PDCD6IP: variants seen among roughly 807,000 people sequenced by gnomAD.
PDCD6IP encodes the protein programmed cell death 6 interacting protein, also known as programmed cell death 6-interacting protein.
A neutral mutation model predicts 103.7 loss-of-function variants in PDCD6IP; 43 were observed. The ratio of observed to expected loss-of-function variants is 0.41; its 90% CI spans 0.32 to 0.53. PDCD6IP has a LOEUF of 0.53. Among genes scored for constraint, PDCD6IP ranks in the 20% least tolerant of loss-of-function variants. The pLI is 0.16. For missense variants in PDCD6IP, 871 were observed against 1,036.7 expected (o/e 0.84, Z 2.20); for synonymous variants, 354 against 378.7 (o/e 0.93, Z 0.76).
chr3:33,822,573 A>G (rs1697017031), intron 4 of PDCD6IP, among the ~76,000 whole-genome samples: 1 of 152,188 alleles, frequency 6.6e-6, no homozygotes, highest in African/African-American at 2.4e-5. Context: ...TCAGACACAT[A>G]ATGTTCATAA....
intron 4 of PDCD6IP, among the ~76,000 whole-genome samples, chr3:33,823,690 G>A (rs1697047056): frequency 6.6e-6 from 1 of 152,138 alleles, no homozygotes; most frequent in South Asian, 2.1e-4. Flanking sequence ...GCTGAGGCAG[G>A]AGAATCTCTT....
chr3:33,855,213 C>T lies in PDCD6IP; in HGVS notation c.2073C>T (p.Cys691=). 6.2e-7 allele frequency: 1 copy of T among 1,611,350 alleles called. No homozygotes were observed. The highest frequency in any genetic ancestry group is 8.5e-7 in the Non-Finnish European group (1 of 1,177,732). ...TCCTGGTCAGGTTCCAGAACAAATG[C>T]AGTGATATAGTTTTTGCACGGAAGA... ...TEILVRFQNK[C]SDIVFARKTE... Residue 691 remains cysteine, a synonymous_variant, in exon 15 of 18, where the codon TGC becomes TGT. Transcript: ENST00000307296.
chr3:33,825,440 C>T (rs1028049470), intron 5 of PDCD6IP, 100 bp downstream of exon 5: 42 of 999,976 alleles, frequency 4.2e-5, no homozygotes, highest in Non-Finnish European at 5.3e-5. Flanking sequence ...TCGAGCTGTC[C>T]TTCTTGAACT....
Position 33,866,524 on chromosome 3 carries a change from A to G in PDCD6IP, c.2606A>G (p.Ter869=), listed in dbSNP as rs1698069643. 1 of 1,598,120 alleles carries G rather than the reference A, an allele frequency of 6.3e-7. No homozygotes were observed. Among genetic ancestry groups the G allele is most frequent in the African/African-American group, 1.3e-5 (1 of 74,162 alleles). ...CAGCAGTCTTACTATCCACAGCAGTAATATGTCTGCTCAGCAGCTCAGCTG... is the reference window on the plus strand; with the variant it reads ...CAGCAGTCTTACTATCCACAGCAGTGATATGTCTGCTCAGCAGCTCAGCTG... ...PPQQSYYPQQ[*] is the part of the protein sequence containing the mutation. Residue 869 remains the stop codon, a stop_retained_variant, in exon 18 of 18, where the codon TAA becomes TGA. Coordinates refer to ENST00000307296, the MANE Select transcript of PDCD6IP (RefSeq NM_013374.6).
chr3:33,852,855 A>G (rs902149845), intron 13 of PDCD6IP, 119 bp downstream of exon 13: 3 of 1,203,074 alleles, frequency 2.5e-6, no homozygotes, highest in Non-Finnish European at 3.3e-6. Flanking sequence ...TTAAGAGTAG[A>G]ACTTAATACA....
At chr3:33,855,765 A>G (rs1297822811) in intron 15 of PDCD6IP, among the ~76,000 whole-genome samples, 1 of 152,272 alleles carries the variant, frequency 6.6e-6, no homozygotes, top group Non-Finnish European at 1.5e-5. Context: ...ACAAAATTTA[A>G]TAAAACTTCA....
Position 33,844,107 on chromosome 3 carries a change from T to A in PDCD6IP, c.1360-5T>A. ...TTTCAGGGTTCTTTTTGCTTCCTTT[T>A]AAAGTCATTAAGGTTGTTGGATGAA... On this transcript the variant is annotated splice_region_variant and splice_polypyrimidine_tract_variant and intron_variant, in intron 10 of 17. Transcript: ENST00000307296. 1 of 1,567,224 alleles carries A rather than the reference T, an allele frequency of 6.4e-7. No homozygotes were observed. The highest frequency in any genetic ancestry group is 8.7e-7 in the Non-Finnish European group (1 of 1,154,142).
In PDCD6IP at chr3:33,869,480, TTAAA is replaced by T. The variant is rs1185897345; in HGVS notation, c.*2956_*2959del. 2 of 152,236 alleles carry T rather than the reference TTAAA, an allele frequency of 1.3e-5. No homozygotes were observed. Among genetic ancestry groups the T allele is most frequent in the African/African-American group, 2.4e-5 (1 of 41,472 alleles). The allele number at this position is 152,236 out of a possible 1,614,324, so 9.4% of individuals were successfully genotyped here. ...GAGCAAAGAAGGAAAAATTATATTT[TTAAA>T]GAAAGAGAATATTCAGGCTTTATTT... is the stretch of plus-strand genomic sequence containing the variant. On this transcript the variant is annotated 3_prime_UTR_variant, in exon 18 of 18. Transcript: ENST00000307296.
chr3:33,799,129 C>T, intron 1 of PDCD6IP, 192 bp downstream of exon 1: 1 of 611,148 alleles, frequency 1.6e-6, no homozygotes, highest in Non-Finnish European at 2.9e-6. Flanking sequence ...TGTGACTGCC[C>T]GCTTGTCCTG....
Position 33,798,682 on chromosome 3 carries a change from A to G in PDCD6IP, c.-47A>G, listed in dbSNP as rs768705106. 6.1e-6 allele frequency: 9 copies of G among 1,476,348 alleles called. No homozygotes were observed. In the East Asian group the frequency reaches 2.3e-4, roughly 37 times the overall value. The allele number at this position is 1,476,348 out of a possible 1,614,324, so 91.5% of individuals were successfully genotyped here. ...TACCTCTCTCTCCTCGGCCCTCGTA[A>G]GCTGTCCGCGGTCTGTTTGGCCCGA... is the stretch of plus-strand genomic sequence containing the variant. On this transcript the variant is annotated 5_prime_UTR_variant, in exon 1 of 18. Transcript: ENST00000307296.
intron 2 of PDCD6IP, chr3:33,813,345 G>T (rs551785683): frequency 4.6e-6 from 2 of 438,558 alleles, no homozygotes; most frequent in Non-Finnish European, 8.1e-6. Context: ...GATTACCAAG[G>T]CAGAATGACC....
At position 33,836,286 on chromosome 3, in the gene PDCD6IP, A is replaced by G; in HGVS notation, c.1057+20A>G. The G allele has an allele frequency of 7.3e-7, 1 of 1,367,424 alleles. No individual in the cohort carries two copies. The highest frequency in any genetic ancestry group is 1.0e-6 in the Non-Finnish European group (1 of 957,808). 84.7% of individuals were successfully genotyped at this position (1,367,424 alleles called of 1,614,324 possible). On this transcript the variant is annotated intron_variant, in intron 8 of 17. Transcript: ENST00000307296. ...TTACTGGTATGTCAGTTATTCAGACACACTTTAATCTCATTTTTCTCTAGT... is the reference window on the plus strand; with the variant it reads ...TTACTGGTATGTCAGTTATTCAGACGCACTTTAATCTCATTTTTCTCTAGT...
chr3:33,844,836 T>C (rs1159356602), intron 11 of PDCD6IP, among the ~76,000 whole-genome samples: 1 of 152,100 alleles, frequency 6.6e-6, no homozygotes, highest in African/African-American at 2.4e-5. Flanking sequence ...GGCTTTGTAA[T>C]TTTTTTCATT....
At chr3:33,806,025 G>A (rs1047215241) in intron 1 of PDCD6IP, among the ~76,000 whole-genome samples, 6 of 152,260 alleles carry the variant, frequency 3.9e-5, no homozygotes, top group South Asian at 2.1e-4. Flanking sequence ...GATTACAGGC[G>A]TGTGCCACCG....
At chr3:33,830,954 A>G (rs1011229681) in intron 7 of PDCD6IP, among the ~76,000 whole-genome samples, 1 of 152,178 alleles carries the variant, frequency 6.6e-6, no homozygotes, top group African/African-American at 2.4e-5. Context: ...TATGGCTACT[A>G]GCAAAGAGAA....
intron 1 of PDCD6IP, among the ~76,000 whole-genome samples, chr3:33,800,649 A>C (rs1696456919): frequency 6.6e-6 from 1 of 152,226 alleles, no homozygotes; most frequent in African/African-American, 2.4e-5. Context: ...ATACTTAGCC[A>C]TTCTTTAGAA....
chr3:33,842,032 A>G lies in PDCD6IP; in HGVS notation c.1317A>G (p.Glu439=). The G allele has an allele frequency of 1.9e-6, 3 of 1,613,182 alleles. No homozygotes were observed. Residue 439 remains glutamate, a synonymous_variant, in exon 10 of 18, where the codon GAA becomes GAG. Transcript: ENST00000307296. ...GIQTVDQLIK[E]LPELLQRNRE... ...AGACTGTTGATCAGTTGATTAAAGA[A>G]CTGCCTGAATTACTGCAACGAAATA...
At chr3:33,861,443 A>G (rs1376630299) in intron 15 of PDCD6IP, among the ~76,000 whole-genome samples, 2 of 152,158 alleles carry the variant, frequency 1.3e-5, no homozygotes, top group East Asian at 1.9e-4. Flanking sequence ...GCCCGGCTTA[A>G]TATGTATTTT....
At chr3:33,834,000 C>T (rs1253966597) in intron 7 of PDCD6IP, among the ~76,000 whole-genome samples, 1 of 148,308 alleles carries the variant, frequency 6.7e-6, no homozygotes, top group Non-Finnish European at 1.5e-5. Context: ...ACAGCCTTTG[C>T]ATTTCAAGTT....
Sources: allele counts gnomAD v4.1 joint callset (sites outside exome capture counted in the v4.1 genomes callset), GRCh38; gene constraint gnomAD v4.1.1; transcripts MANE v1.5; gene names NCBI Gene and HGNC (gene_info 2026-07-23, HGNC 2026-07-21).